Variants in PCDH9 observed in about 807,000 individuals in gnomAD.
The protein encoded by PCDH9 is protocadherin 9.
A neutral mutation model predicts 70.6 loss-of-function variants in PCDH9; 24 were observed. The observed-to-expected ratio is 0.34, with a 90% CI of 0.25 to 0.48. The LOEUF (loss-of-function observed/expected upper bound fraction) is 0.48, where lower values mean the gene tolerates loss of function less well. PCDH9 is among the 20% of genes least tolerant of loss of function. The pLI, the probability that PCDH9 is intolerant of heterozygous loss-of-function variation, is 0.99. For missense variants in PCDH9, 1,281 were observed against 1,503.6 expected, an observed-to-expected ratio of 0.85 and a Z score of 2.45; for synonymous variants, 562 against 558.5, an observed-to-expected ratio of 1.01 and a Z score of -0.09.
intron 3 of PCDH9, among the ~76,000 whole-genome samples, chr13:66,872,048 G>A (rs1425573391): frequency 1.3e-5 from 2 of 152,048 alleles, no homozygotes; most frequent in African/African-American, 4.8e-5. Context: ...TCTACTACTA[G>A]ACTTTGAACT....
At chr13:66,634,771 A>G (rs2077615941) in intron 3 of PCDH9, among the ~76,000 whole-genome samples, 1 of 152,140 alleles carries the variant, frequency 6.6e-6, no homozygotes, top group South Asian at 2.1e-4. Flanking sequence ...GGTTTTAAAG[A>G]TGTGATTCCC....
At chr13:66,516,712 C>T (rs184162095) in intron 4 of PCDH9, among the ~76,000 whole-genome samples, 2,463 of 151,766 alleles carry the variant, frequency 0.016, 60 homozygotes, top group African/African-American at 0.055. Flanking sequence ...GAAAACCATC[C>T]GAAATCTCTC....
chr13:66,735,612 G>A (rs965755229), intron 3 of PCDH9, among the ~76,000 whole-genome samples: 2 of 152,120 alleles, frequency 1.3e-5, no homozygotes, highest in African/African-American at 2.4e-5. Flanking sequence ...TCATGAAACA[G>A]AATCAGAGAT....
chr13:66,871,210 G>C (rs1004961768), intron 3 of PCDH9, among the ~76,000 whole-genome samples: 3 of 150,250 alleles, frequency 2.0e-5, no homozygotes, highest in African/African-American at 7.4e-5. Flanking sequence ...GACACATGAA[G>C]GGGAACATCA....
At chr13:66,914,471 T>G (rs558146574) in intron 2 of PCDH9, 1 of 151,986 alleles carries the variant, frequency 6.6e-6, no homozygotes, top group East Asian at 1.9e-4. Flanking sequence ...TGAAATTGTT[T>G]TCCTGATGAA....
chr13:67,030,163 C>T (rs1353699178), intron 2 of PCDH9, among the ~76,000 whole-genome samples: 1 of 152,102 alleles, frequency 6.6e-6, no homozygotes, highest in Non-Finnish European at 1.5e-5. Context: ...TCACTGCAAC[C>T]ACCACCTCCC....
chr13:66,655,619 G>T (rs2077918006), intron 3 of PCDH9, among the ~76,000 whole-genome samples: 2 of 151,940 alleles, frequency 1.3e-5, no homozygotes, highest in Admixed American at 6.6e-5. Context: ...TTTATAAAAA[G>T]TGTTAAGACA....
At chr13:66,892,150 C>T (rs943118301) in intron 3 of PCDH9, among the ~76,000 whole-genome samples, 2 of 147,522 alleles carry the variant, frequency 1.4e-5, no homozygotes, top group African/African-American at 5.0e-5. Context: ...ACTTACATTA[C>T]GTGTGTGTGT....
chr13:67,100,842 C>T (rs372148143), intron 2 of PCDH9, among the ~76,000 whole-genome samples: 25 of 151,930 alleles, frequency 1.6e-4, no homozygotes, highest in Non-Finnish European at 1.9e-4. Flanking sequence ...AGGCTGCTGA[C>T]GAAATATCTA....
At chr13:66,335,236 A>G (rs1184274367) in intron 4 of PCDH9, among the ~76,000 whole-genome samples, 1 of 152,134 alleles carries the variant, frequency 6.6e-6, no homozygotes, top group Non-Finnish European at 1.5e-5. Context: ...CTCAACCTCT[A>G]CTTACGCTGA....
intron 3 of PCDH9, among the ~76,000 whole-genome samples, chr13:66,866,391 A>G (rs2081576023): frequency 6.6e-6 from 1 of 152,036 alleles, no homozygotes; most frequent in South Asian, 2.1e-4. Context: ...CTGAGGAAAG[A>G]GAATGGCGGG....
intron 4 of PCDH9, among the ~76,000 whole-genome samples, chr13:66,407,480 T>A (rs1429577019): frequency 1.3e-5 from 2 of 152,170 alleles, no homozygotes; most frequent in Non-Finnish European, 2.9e-5. Flanking sequence ...CCCATCCTAG[T>A]CATGGGGGAG....
intron 2 of PCDH9, among the ~76,000 whole-genome samples, chr13:67,078,492 A>G (rs2085922429): frequency 6.6e-6 from 1 of 152,170 alleles, no homozygotes; most frequent in African/African-American, 2.4e-5. Flanking sequence ...AGTTCCTCAA[A>G]AAAGTTTCAT....
intron 3 of PCDH9, among the ~76,000 whole-genome samples, chr13:66,713,182 A>G (rs7995575): frequency 0.46 from 70,210 of 151,906 alleles, 16,400 homozygotes; most frequent in East Asian, 0.59. Flanking sequence ...TCAGAAAGGC[A>G]GGTACAGACA....
intron 3 of PCDH9, among the ~76,000 whole-genome samples, chr13:66,836,386 AT>A (rs916556255): frequency 1.3e-5 from 2 of 151,980 alleles, no homozygotes; most frequent in East Asian, 1.9e-4. Context: ...ATTTTCATGT[AT>A]TTTTTTAAAA....
intron 2 of PCDH9, among the ~76,000 whole-genome samples, chr13:67,133,126 A>G (rs980830441): frequency 3.9e-5 from 6 of 152,136 alleles, no homozygotes; most frequent in African/African-American, 9.7e-5. Flanking sequence ...CAATCTATGT[A>G]TCAGCTTTTT....
At chr13:67,068,607 T>C (rs1312808681) in intron 2 of PCDH9, among the ~76,000 whole-genome samples, 2 of 152,200 alleles carry the variant, frequency 1.3e-5, no homozygotes, top group Non-Finnish European at 2.9e-5. Flanking sequence ...AACAGGTAAA[T>C]GGCAAAGTCA....
chr13:66,321,373 T>G (rs1402351469), intron 4 of PCDH9, among the ~76,000 whole-genome samples: 1 of 152,032 alleles, frequency 6.6e-6, no homozygotes, highest in African/African-American at 2.4e-5. Flanking sequence ...CAACAGCAAA[T>G]TACATTTTCC....
At chr13:66,568,709 T>G (rs35138332) in intron 4 of PCDH9, among the ~76,000 whole-genome samples, 51,702 of 150,168 alleles carry the variant, frequency 0.34, 9,280 homozygotes, top group African/African-American at 0.45. Flanking sequence ...GGAGAGGGGA[T>G]CAGGAGTAAT....
Sources: gnomAD v4.1 joint callset for allele counts (sites outside exome capture counted in the v4.1 genomes callset) on GRCh38, gnomAD v4.1.1 for gene constraint, MANE v1.5 for transcripts, NCBI Gene and HGNC (gene_info 2026-07-23, HGNC 2026-07-21) for gene names.